Variants in ATP2B4 observed in about 807,000 individuals in gnomAD.
ATP2B4 encodes plasma membrane calcium-transporting ATPase 4.
A neutral mutation model predicts 110.3 loss-of-function variants in ATP2B4; 39 were observed. The ratio of observed to expected loss-of-function variants is 0.35; its 90% CI spans 0.27 to 0.46. The LOEUF (loss-of-function observed/expected upper bound fraction) is 0.46, where lower values mean the gene tolerates loss of function less well. Among genes scored for constraint, ATP2B4 ranks in the 20% least tolerant of loss-of-function variants. The probability of loss-of-function intolerance (pLI) is 1.00; values close to 1 mark genes in which losing one functional copy is unlikely to be tolerated. For missense variants in ATP2B4, 1,135 were observed against 1,530.9 expected (o/e 0.74, Z 4.32); for synonymous variants, 538 against 571.7 (o/e 0.94, Z 0.84).
intron 3 of ATP2B4, among the ~76,000 whole-genome samples, chr1:203,698,987 T>G (rs1665613474): frequency 6.6e-6 from 1 of 152,064 alleles, no homozygotes; most frequent in Non-Finnish European, 1.5e-5. Flanking sequence ...GTTGCCCAGG[T>G]TGGTCTCAAA....
intron 2 of ATP2B4, among the ~76,000 whole-genome samples, chr1:203,692,113 C>T (rs1005804284): frequency 6.6e-6 from 1 of 151,992 alleles, no homozygotes. Context: ...ATCTCCTGAC[C>T]TCATGATCCG....
chr1:203,656,125 C>T (rs1410964650), intron 1 of ATP2B4, among the ~76,000 whole-genome samples: 1 of 151,454 alleles, frequency 6.6e-6, no homozygotes, highest in Non-Finnish European at 1.5e-5. Flanking sequence ...CTTAAAGCCA[C>T]AACATATCAC....
intron 20 of ATP2B4, among the ~76,000 whole-genome samples, chr1:203,738,915 AATT>A (rs1666938419): frequency 6.6e-6 from 1 of 152,132 alleles, no homozygotes. Flanking sequence ...TGAAAGGGCA[AATT>A]ATTATTAGAG....
intron 2 of ATP2B4, among the ~76,000 whole-genome samples, chr1:203,688,183 C>T (rs1011726374): frequency 6.6e-6 from 1 of 151,782 alleles, no homozygotes; most frequent in African/African-American, 2.4e-5. Flanking sequence ...GCCACCATGC[C>T]GGGTTAATTT....
intron 8 of ATP2B4, among the ~76,000 whole-genome samples, chr1:203,705,557 T>C (rs2102393552): frequency 6.6e-6 from 1 of 152,320 alleles, no homozygotes; most frequent in Non-Finnish European, 1.5e-5. Flanking sequence ...GGCTAATTTT[T>C]AGTAAAGACA....
chr1:203,709,242 A>G (rs1380419151), intron 10 of ATP2B4, 59 bp from the exon 11 acceptor site: 22 of 1,599,648 alleles, frequency 1.4e-5, no homozygotes, highest in Non-Finnish European at 1.9e-5. Flanking sequence ...TTTCTCCCTA[A>G]GTTCTCTGCC....
chr1:203,697,145 C>T (rs1665557097), intron 2 of ATP2B4, among the ~76,000 whole-genome samples: 1 of 152,134 alleles, frequency 6.6e-6, no homozygotes, highest in African/African-American at 2.4e-5. Flanking sequence ...TGTGTACATG[C>T]ATACACCTAG....
At chr1:203,680,504 G>C (rs1157639311) in intron 1 of ATP2B4, among the ~76,000 whole-genome samples, 4 of 151,932 alleles carry the variant, frequency 2.6e-5, no homozygotes, top group Non-Finnish European at 5.9e-5. Context: ...AGCCACTCGG[G>C]AGGCTGAGGC....
chr1:203,668,748 G>C (rs6685155), intron 1 of ATP2B4, among the ~76,000 whole-genome samples: 1 of 152,134 alleles, frequency 6.6e-6, no homozygotes, highest in Non-Finnish European at 1.5e-5. Context: ...TCCTTCCACT[G>C]TGTGAGCCAC....
intron 11 of ATP2B4, 95 bp downstream of exon 11, chr1:203,709,637 C>G: frequency 1.0e-5 from 16 of 1,559,936 alleles, no homozygotes; most frequent in Admixed American, 1.8e-5. Flanking sequence ...AATGAGGGAG[C>G]CCTCCAGCCA....
chr1:203,727,855 G>C (rs1290511345), intron 20 of ATP2B4: 1 of 413,432 alleles, frequency 2.4e-6, no homozygotes, highest in African/African-American at 2.0e-5. Flanking sequence ...CTATCAAATG[G>C]GCAAGCTTCA....
At position 203,739,602 on chromosome 1, in the gene ATP2B4, C is replaced by T; in HGVS notation, c.3366C>T (p.Tyr1122=). 1.2e-6 allele frequency: 2 copies of T among 1,614,134 alleles called. No individual in the cohort carries two copies. Among genetic ancestry groups the T allele is most frequent in the East Asian group, 4.5e-5 (2 of 44,884 alleles). ...TCCACGAAAGCATTCAGAAACCCTACAACCAAAAGTCCATCCACAGCTTCA... is the reference window on the plus strand; with the variant it reads ...TCCACGAAAGCATTCAGAAACCCTATAACCAAAAGTCCATCCACAGCTTCA... ...SSLHESIQKP[Y]NQKSIHSFMT... is the part of the protein sequence containing the mutation. The change falls in exon 21 of 21, where the codon TAC becomes TAT. Residue 1122 remains tyrosine (Y), a synonymous_variant. Coordinates refer to ENST00000357681, the MANE Select transcript of ATP2B4 (RefSeq NM_001684.5).
chr1:203,634,965 CATTT>C (rs1210042249), intron 1 of ATP2B4, among the ~76,000 whole-genome samples: 2 of 151,846 alleles, frequency 1.3e-5, no homozygotes, highest in Non-Finnish European at 2.9e-5. Context: ...CACCCGGCCC[CATTT>C]ATTTATTTAT....
intron 11 of ATP2B4, among the ~76,000 whole-genome samples, chr1:203,710,122 C>G (rs1301093117): frequency 6.6e-6 from 1 of 152,064 alleles, no homozygotes; most frequent in Non-Finnish European, 1.5e-5. Flanking sequence ...AATCCCAGCA[C>G]TTTGGGAGGC....
chr1:203,670,751 C>T (rs898489152), intron 1 of ATP2B4, among the ~76,000 whole-genome samples: 3 of 152,202 alleles, frequency 2.0e-5, no homozygotes, highest in African/African-American at 7.2e-5. Flanking sequence ...TCTGATTTCT[C>T]CAACAAGAGC....
At position 203,699,392 on chromosome 1, in the gene ATP2B4, G is replaced by C. The variant is rs990323190; in HGVS notation, c.392-68G>C. 6.0e-5 allele frequency: 95 copies of C among 1,580,148 alleles called. No homozygotes were observed. The African/African-American group carries it at 1.2e-3, about 19-fold the overall frequency. On this transcript the variant is annotated intron_variant, in intron 3 of 20. Transcript: ENST00000357681. The stretch of plus-strand genomic sequence containing the variant: ...TTTCTATCTTGGGGTGATTGTGGAA[G>C]CACTACTCCTATTTCTTAATGTCAA...
intron 13 of ATP2B4, among the ~76,000 whole-genome samples, 158 bp downstream of exon 13, chr1:203,712,297 C>T (rs1401405199): frequency 1.3e-5 from 2 of 152,108 alleles, no homozygotes; most frequent in African/African-American, 4.8e-5. Context: ...GATATGGTAA[C>T]ATTGGGAGTT....
intron 1 of ATP2B4, among the ~76,000 whole-genome samples, chr1:203,641,695 A>T (rs145272952): frequency 1.1e-3 from 163 of 151,948 alleles, no homozygotes; most frequent in African/African-American, 3.9e-3. Flanking sequence ...GAAAGCTAAC[A>T]CTCCGTGAGT....
intron 11 of ATP2B4, among the ~76,000 whole-genome samples, chr1:203,710,674 A>G (rs1325851873): frequency 6.6e-6 from 1 of 152,240 alleles, no homozygotes; most frequent in Non-Finnish European, 1.5e-5. Flanking sequence ...CCCACTCTCT[A>G]TATATCTAGA....
Sources: gnomAD v4.1 joint callset for allele counts (sites outside exome capture counted in the v4.1 genomes callset) on GRCh38, gnomAD v4.1.1 for gene constraint, MANE v1.5 for transcripts, NCBI Gene and HGNC (gene_info 2026-07-23, HGNC 2026-07-21) for gene names.